ADGRB3: variants seen among roughly 807,000 people sequenced by gnomAD.
ADGRB3 encodes the protein adhesion G protein-coupled receptor B3.
Under a neutral mutation model 193.4 loss-of-function variants are expected in ADGRB3, and 37 were observed. The ratio of observed to expected loss-of-function variants is 0.19; its 90% CI spans 0.15 to 0.25. The LOEUF is 0.25. Among genes scored for constraint, ADGRB3 ranks in the 10% least tolerant of loss-of-function variants. The pLI, the probability that ADGRB3 is intolerant of heterozygous loss-of-function variation, is 1.00. For missense variants in ADGRB3, 1,637 were observed against 1,852.9 expected (o/e 0.88, Z 2.14); for synonymous variants, 690 against 644.2 (o/e 1.07, Z -1.08).
chr6:69,331,724 A>T, intron 23 of ADGRB3: 1 of 985,336 alleles, frequency 1.0e-6, no homozygotes, highest in Non-Finnish European at 1.2e-6. Flanking sequence ...TAATGCCAAT[A>T]TAACACTAAA....
At chr6:69,036,077 T>C (rs995363064) in intron 13 of ADGRB3, among the ~76,000 whole-genome samples, 1 of 152,206 alleles carries the variant, frequency 6.6e-6, no homozygotes, top group Non-Finnish European at 1.5e-5. Context: ...ATCCCTATTA[T>C]GGCCATACTT....
At chr6:68,822,052 T>C (rs905541735) in intron 3 of ADGRB3, among the ~76,000 whole-genome samples, 1 of 151,884 alleles carries the variant, frequency 6.6e-6, no homozygotes, top group South Asian at 2.1e-4. Context: ...TAAGAGTTGG[T>C]ACAATCAAAT....
intron 3 of ADGRB3, among the ~76,000 whole-genome samples, chr6:68,682,911 G>A (rs1764920828): frequency 6.6e-6 from 1 of 151,754 alleles, no homozygotes; most frequent in African/African-American, 2.4e-5. Context: ...CCAAGTAGCT[G>A]GGATTATAGG....
At chr6:69,089,824 C>T (rs1204930935) in intron 17 of ADGRB3, among the ~76,000 whole-genome samples, 1 of 152,096 alleles carries the variant, frequency 6.6e-6, no homozygotes, top group Non-Finnish European at 1.5e-5. Context: ...CACTGGATGC[C>T]AGTAACTCTC....
chr6:68,782,295 C>T (rs1766870413), intron 3 of ADGRB3, among the ~76,000 whole-genome samples: 1 of 151,808 alleles, frequency 6.6e-6, no homozygotes, highest in South Asian at 2.1e-4. Flanking sequence ...CTACAAAGGA[C>T]ATGAACTCAT....
chr6:68,995,350 G>A (rs1351199921), intron 11 of ADGRB3, among the ~76,000 whole-genome samples: 1 of 152,144 alleles, frequency 6.6e-6, no homozygotes, highest in Non-Finnish European at 1.5e-5. Flanking sequence ...GTTCACAGTT[G>A]AAACATTAGG....
chr6:69,245,844 T>A (rs1240127412), intron 20 of ADGRB3, among the ~76,000 whole-genome samples: 2 of 152,174 alleles, frequency 1.3e-5, no homozygotes, highest in Non-Finnish European at 2.9e-5. Flanking sequence ...CAGGACTAAG[T>A]CATACTCATT....
At chr6:68,940,501 T>G (rs1767605155) in intron 5 of ADGRB3, among the ~76,000 whole-genome samples, 1 of 150,978 alleles carries the variant, frequency 6.6e-6, no homozygotes, top group South Asian at 2.1e-4. Flanking sequence ...TTTATGTACT[T>G]TAATCCTGTA....
intron 3 of ADGRB3, among the ~76,000 whole-genome samples, chr6:68,771,258 A>G (rs537138127): frequency 2.2e-4 from 34 of 152,012 alleles, no homozygotes; most frequent in Non-Finnish European, 4.4e-4. Flanking sequence ...TTTTTTTCAT[A>G]AGAAGTTGAA....
intron 20 of ADGRB3, among the ~76,000 whole-genome samples, chr6:69,309,950 C>G (rs752326884): frequency 6.6e-6 from 1 of 151,524 alleles, no homozygotes; most frequent in Non-Finnish European, 1.5e-5. Context: ...AAACACATTT[C>G]CCTTCCTTCT....
intron 16 of ADGRB3, among the ~76,000 whole-genome samples, chr6:69,064,031 A>T (rs693242): frequency 1.3e-5 from 2 of 151,638 alleles, no homozygotes; most frequent in Non-Finnish European, 2.9e-5. Context: ...CCAAGCCCAT[A>T]TAGTTAGTGA....
At chr6:68,882,490 T>A (rs1285340304) in intron 3 of ADGRB3, among the ~76,000 whole-genome samples, 2 of 152,190 alleles carry the variant, frequency 1.3e-5, no homozygotes, top group Non-Finnish European at 2.9e-5. Context: ...CATGTTTTGA[T>A]TTTTTTAATT....
At chr6:68,692,843 A>G (rs1050087563) in intron 3 of ADGRB3, among the ~76,000 whole-genome samples, 6 of 151,060 alleles carry the variant, frequency 4.0e-5, no homozygotes, top group African/African-American at 1.5e-4. Context: ...AGATATAGAT[A>G]TAAACAGATA....
chr6:68,683,377 C>T (rs930362870), intron 3 of ADGRB3, among the ~76,000 whole-genome samples: 1 of 151,900 alleles, frequency 6.6e-6, no homozygotes, highest in East Asian at 1.9e-4. Flanking sequence ...GATGATACAG[C>T]CATAAAACAA....
At chr6:69,219,471 A>G (rs1467124325) in intron 17 of ADGRB3, among the ~76,000 whole-genome samples, 1 of 76,904 alleles carries the variant, frequency 1.3e-5, no homozygotes, top group African/African-American at 8.4e-5. Context: ...GTATATATAT[A>G]TATATATATA....
At chr6:69,018,806 G>T (rs1374317161) in intron 13 of ADGRB3, among the ~76,000 whole-genome samples, 1 of 151,804 alleles carries the variant, frequency 6.6e-6, no homozygotes, top group African/African-American at 2.4e-5. Context: ...AATGCTCATT[G>T]CTATCTAATC....
At chr6:68,732,652 C>T (rs942517203) in intron 3 of ADGRB3, among the ~76,000 whole-genome samples, 2 of 151,834 alleles carry the variant, frequency 1.3e-5, no homozygotes, top group South Asian at 2.1e-4. Flanking sequence ...TTTAAAGTGC[C>T]TGAGATCGTT....
intron 3 of ADGRB3, among the ~76,000 whole-genome samples, chr6:68,725,298 A>C (rs1035363808): frequency 5.3e-5 from 8 of 151,708 alleles, no homozygotes; most frequent in African/African-American, 1.9e-4. Flanking sequence ...AGATCCCTAA[A>C]TGTTTAAGGC....
chr6:68,879,215 T>C (rs1425841092), intron 3 of ADGRB3, among the ~76,000 whole-genome samples: 2 of 63,082 alleles, frequency 3.2e-5, no homozygotes, highest in East Asian at 1.1e-3. Flanking sequence ...TTTTGTCGCT[T>C]TTTTTTTTTT....
Sources: allele counts gnomAD v4.1 joint callset (sites outside exome capture counted in the v4.1 genomes callset), GRCh38; gene constraint gnomAD v4.1.1; transcripts MANE v1.5; gene names NCBI Gene and HGNC (gene_info 2026-07-23, HGNC 2026-07-21).